The following FAM171A1 variants were observed in gnomAD, a reference collection of about 807,000 sequenced individuals.
FAM171A1 encodes the protein family with sequence similarity 171 member A1, also known as protein FAM171A1.
In FAM171A1, 23 loss-of-function variants were observed where a neutral mutation model predicts 74.9. The ratio of observed to expected loss-of-function variants is 0.31; its 90% CI spans 0.22 to 0.44. The LOEUF (loss-of-function observed/expected upper bound fraction) is 0.44, where lower values mean the gene tolerates loss of function less well. Among genes scored for constraint, FAM171A1 ranks in the 20% least tolerant of loss-of-function variants. FAM171A1 has a pLI of 1.00. For missense variants in FAM171A1, 1,162 were observed against 1,159.2 expected, an observed-to-expected ratio of 1.00 and a Z score of -0.03; for synonymous variants, 527 against 505.7, an observed-to-expected ratio of 1.04 and a Z score of -0.57.
At chr10:15,330,093 G>A (rs887374204) in intron 1 of FAM171A1, among the ~76,000 whole-genome samples, 1 of 152,188 alleles carries the variant, frequency 6.6e-6, no homozygotes, top group Non-Finnish European at 1.5e-5. Context: ...TGTAATCCCA[G>A]CACTTTGGGA....
At chr10:15,228,342 T>A (rs1379122635) in intron 5 of FAM171A1, among the ~76,000 whole-genome samples, 1 of 149,140 alleles carries the variant, frequency 6.7e-6, no homozygotes, top group Non-Finnish European at 1.5e-5. Context: ...GAGTATTTTT[T>A]TTTTTTTTTT....
At chr10:15,370,699 G>A (rs546548157) in intron 1 of FAM171A1, among the ~76,000 whole-genome samples, 34 of 151,572 alleles carry the variant, frequency 2.2e-4, no homozygotes, top group African/African-American at 7.2e-4. Flanking sequence ...AGCAGCTGGA[G>A]CTGCCCGCGC....
chr10:15,314,933 G>A (rs555389106), intron 1 of FAM171A1, among the ~76,000 whole-genome samples: 17 of 152,318 alleles, frequency 1.1e-4, no homozygotes, highest in African/African-American at 3.8e-4. Flanking sequence ...CGGTTCCTCC[G>A]GGATGGGTGG....
rs369096136 is a variant in FAM171A1 at position 15,250,082 on chromosome 10, T to TA, written c.578-1268dup. On this transcript the variant is annotated intron_variant, in intron 4 of 7. Coordinates refer to ENST00000378116, the MANE Select transcript of FAM171A1 (RefSeq NM_001010924.2). Reference sequence around the variant, plus strand: ...TACATTTAAACATTTAAAGAAAACCTAGTGAATTTTAGAGTCTCAACAATG... The same window carrying TA: ...TACATTTAAACATTTAAAGAAAACCTAAGTGAATTTTAGAGTCTCAACAATG... Among the ~76,000 whole-genome samples the TA allele has an allele frequency of 3.2e-3, 482 of 152,334 alleles. 2 individuals are homozygous for TA. Among genetic ancestry groups the TA allele is most frequent in the African/African-American group, 0.011 (457 of 41,570 alleles).
rs1429951012 is a variant in FAM171A1, at chr10:15,266,878, A to G, written c.418+8977T>C. On this transcript the variant is annotated intron_variant, in intron 3 of 7. Transcript: ENST00000378116. Reference sequence around the variant, plus strand: ...AGTGAGACTGTTTCAAAAAAAAAAAAAAAAAAAAGAGAGAGAGAAAAGTTG... The same window carrying G: ...AGTGAGACTGTTTCAAAAAAAAAAAGAAAAAAAAGAGAGAGAGAAAAGTTG... 5.3e-5 allele frequency among the ~76,000 whole-genome samples: 8 copies of G among 151,752 alleles called. No individual in the cohort carries two copies. In the East Asian group the frequency reaches 1.6e-3, roughly 29 times the overall value.
intron 3 of FAM171A1, among the ~76,000 whole-genome samples, chr10:15,264,963 T>C (rs1410506704): frequency 6.6e-6 from 1 of 152,108 alleles, no homozygotes; most frequent in Non-Finnish European, 1.5e-5. Flanking sequence ...ATTATTATCA[T>C]TGCCATGCCT....
At chr10:15,243,993 G>A (rs1348089635) in intron 5 of FAM171A1, among the ~76,000 whole-genome samples, 2 of 152,108 alleles carry the variant, frequency 1.3e-5, no homozygotes, top group Non-Finnish European at 1.5e-5. Context: ...CTCGTGATCT[G>A]CCCACCTTGG....
chr10:15,276,263 CT>C (rs1455454193), intron 2 of FAM171A1, among the ~76,000 whole-genome samples: 1 of 152,100 alleles, frequency 6.6e-6, no homozygotes, highest in Non-Finnish European at 1.5e-5. Context: ...TCACTCTAAC[CT>C]CCGCCTCCCA....
At chr10:15,261,494 A>G (rs1485756238) in intron 3 of FAM171A1, among the ~76,000 whole-genome samples, 2 of 152,120 alleles carry the variant, frequency 1.3e-5, no homozygotes, top group East Asian at 3.9e-4. Context: ...AACATTCATT[A>G]CTCTAATACA....
chr10:15,244,667 G>C (rs11599136), intron 5 of FAM171A1, among the ~76,000 whole-genome samples: 42,707 of 152,160 alleles, frequency 0.28, 7,330 homozygotes, highest in South Asian at 0.48. Flanking sequence ...AGGGCATAGG[G>C]AGTAACTGGT....
intron 3 of FAM171A1, among the ~76,000 whole-genome samples, chr10:15,259,827 C>T (rs1028406516): frequency 6.9e-6 from 1 of 145,594 alleles, no homozygotes. Context: ...TGTTTCTTTC[C>T]TTTTTTTTTT....
intron 2 of FAM171A1, among the ~76,000 whole-genome samples, chr10:15,279,409 C>A (rs771925100): frequency 3.3e-5 from 5 of 152,134 alleles, no homozygotes; most frequent in Non-Finnish European, 5.9e-5. Context: ...CAAGCAGTGC[C>A]CAGGTGGGTG....
intron 1 of FAM171A1, among the ~76,000 whole-genome samples, chr10:15,348,625 G>A (rs190325352): frequency 1.5e-4 from 23 of 152,260 alleles, no homozygotes; most frequent in African/African-American, 4.8e-4. Context: ...CTGCTACTTC[G>A]AGTGTGGTCC....
chr10:15,258,850 A>G lies in FAM171A1; in HGVS notation c.419-3971T>C, dbSNP rs1280245989. On this transcript the variant is annotated intron_variant, in intron 3 of 7. Coordinates refer to ENST00000378116, the MANE Select transcript of FAM171A1 (RefSeq NM_001010924.2). ...TTCTTGTCCTACCTCTGGATGAAAC[A>G]GCTCCCAGAGGGCTACCACCCATCG... 2.0e-5 allele frequency among the ~76,000 whole-genome samples: 3 copies of G among 152,222 alleles called. No homozygotes were observed. In the East Asian group the frequency reaches 5.8e-4, roughly 29 times the overall value.
chr10:15,312,399 C>T (rs1404172980), intron 1 of FAM171A1, among the ~76,000 whole-genome samples: 1 of 152,066 alleles, frequency 6.6e-6, no homozygotes, highest in Non-Finnish European at 1.5e-5. Context: ...TTTAAAGCCT[C>T]TGAACCCTTT....
chr10:15,275,406 C>T (rs530771604), intron 3 of FAM171A1, among the ~76,000 whole-genome samples: 3 of 151,802 alleles, frequency 2.0e-5, no homozygotes, highest in African/African-American at 7.2e-5. Flanking sequence ...CCTGCCTCAG[C>T]CTCCCAAGTA....
At chr10:15,243,126 T>C (rs1365783141) in intron 5 of FAM171A1, among the ~76,000 whole-genome samples, 1 of 152,028 alleles carries the variant, frequency 6.6e-6, no homozygotes, top group Non-Finnish European at 1.5e-5. Context: ...GGAGAATCCC[T>C]TGCTTGCTGA....
chr10:15,283,822 C>A (rs1050931292), intron 2 of FAM171A1, 56 bp downstream of exon 2: 1 of 1,557,370 alleles, frequency 6.4e-7, no homozygotes, highest in East Asian at 2.2e-5. Flanking sequence ...TGGCCTTATG[C>A]GATCCTCCCA....
intron 3 of FAM171A1, among the ~76,000 whole-genome samples, chr10:15,261,969 G>T (rs1392144063): frequency 1.3e-5 from 2 of 152,196 alleles, no homozygotes; most frequent in Non-Finnish European, 2.9e-5. Context: ...TGAAAAATTA[G>T]ATGGGTGTGG....
Sources: gnomAD v4.1 joint callset for allele counts (sites outside exome capture counted in the v4.1 genomes callset) on GRCh38, gnomAD v4.1.1 for gene constraint, MANE v1.5 for transcripts, NCBI Gene and HGNC (gene_info 2026-07-23, HGNC 2026-07-21) for gene names.